Variants in HS3ST4 observed in about 807,000 individuals in gnomAD.
The protein encoded by HS3ST4 is heparan sulfate glucosamine 3-O-sulfotransferase 4.
In HS3ST4, 17 loss-of-function variants were observed where a neutral mutation model predicts 29.2. The ratio of observed to expected loss-of-function variants is 0.58; its 90% CI spans 0.40 to 0.87. HS3ST4 has a LOEUF of 0.87. HS3ST4 is among the 40% of genes least tolerant of loss of function. The pLI, the probability that HS3ST4 is intolerant of heterozygous loss-of-function variation, is 0.00. For missense variants in HS3ST4, 627 were observed against 634.5 expected (o/e 0.99, Z 0.13); for synonymous variants, 314 against 285.7 (o/e 1.10, Z -1.00).
At chr16:26,115,256 TACATATATATAC>T (rs1237350148) in intron 1 of HS3ST4, among the ~76,000 whole-genome samples, 1 of 148,978 alleles carries the variant, frequency 6.7e-6, no homozygotes. Flanking sequence ...TATATATATA[TACATATATATAC>T]ACACACACAC....
intron 1 of HS3ST4, chr16:26,028,786 G>A (rs2141752067): frequency 6.6e-6 from 1 of 152,342 alleles, no homozygotes; most frequent in East Asian, 1.9e-4. Context: ...TCTGGGCGGA[G>A]CCTAGCTACT....
intron 1 of HS3ST4, among the ~76,000 whole-genome samples, chr16:25,784,252 A>G (rs1351367581): frequency 6.6e-6 from 1 of 152,166 alleles, no homozygotes; most frequent in Non-Finnish European, 1.5e-5. Context: ...AGACACAACA[A>G]TATTCAAATT....
chr16:25,903,273 C>CGTGTGTGT (rs71385584), intron 1 of HS3ST4, among the ~76,000 whole-genome samples: 32 of 58,414 alleles, frequency 5.5e-4, no homozygotes, highest in South Asian at 3.4e-3. Context: ...GAAGAATATA[C>CGTGTGTGT]GTGTGTGTGT....
chr16:26,133,318 G>A (rs1425755186), intron 1 of HS3ST4, among the ~76,000 whole-genome samples: 3 of 152,020 alleles, frequency 2.0e-5, no homozygotes, highest in Non-Finnish European at 2.9e-5. Context: ...TATTTTCTTT[G>A]ATGAAACATT....
At chr16:25,857,625 A>G (rs1967586676) in intron 1 of HS3ST4, among the ~76,000 whole-genome samples, 2 of 152,130 alleles carry the variant, frequency 1.3e-5, no homozygotes, top group African/African-American at 2.4e-5. Context: ...TTTTAGTTTT[A>G]GGGCTTTCTA....
chr16:25,853,758 A>G (rs1045274627), intron 1 of HS3ST4, among the ~76,000 whole-genome samples: 5 of 152,104 alleles, frequency 3.3e-5, no homozygotes, highest in Admixed American at 2.6e-4. Flanking sequence ...TGCTGCAGGA[A>G]TTGGTTTGCT....
chr16:25,818,757 G>A (rs1208604304), intron 1 of HS3ST4, among the ~76,000 whole-genome samples: 1 of 152,054 alleles, frequency 6.6e-6, no homozygotes, highest in Non-Finnish European at 1.5e-5. Flanking sequence ...CACTATAAAA[G>A]CTCTTAACCT....
chr16:26,077,252 T>G (rs999855014), intron 1 of HS3ST4, among the ~76,000 whole-genome samples: 2 of 152,194 alleles, frequency 1.3e-5, no homozygotes, highest in Non-Finnish European at 2.9e-5. Flanking sequence ...GAGACAGGCA[T>G]AAAACCATTC....
At chr16:25,763,629 A>G (rs533066618) in intron 1 of HS3ST4, among the ~76,000 whole-genome samples, 2 of 152,290 alleles carry the variant, frequency 1.3e-5, no homozygotes, top group East Asian at 1.9e-4. Context: ...GGGGAGAGAC[A>G]TGGAATATTG....
chr16:25,983,076 A>G (rs571232784), intron 1 of HS3ST4, among the ~76,000 whole-genome samples: 1 of 152,304 alleles, frequency 6.6e-6, no homozygotes, highest in South Asian at 2.1e-4. Flanking sequence ...AAATAAGTAA[A>G]TATTTACTGT....
intron 1 of HS3ST4, among the ~76,000 whole-genome samples, chr16:26,089,168 T>C (rs1178313931): frequency 6.6e-6 from 1 of 152,222 alleles, no homozygotes; most frequent in Non-Finnish European, 1.5e-5. Flanking sequence ...CCTAGAAGAC[T>C]TGTTGCCAGA....
chr16:25,803,246 G>T (rs1966957555), intron 1 of HS3ST4, among the ~76,000 whole-genome samples: 1 of 151,992 alleles, frequency 6.6e-6, no homozygotes, highest in Non-Finnish European at 1.5e-5. Flanking sequence ...CTCAATATTT[G>T]TATGGTATTA....
chr16:25,845,432 C>T (rs1057509589), intron 1 of HS3ST4, among the ~76,000 whole-genome samples: 3 of 152,018 alleles, frequency 2.0e-5, no homozygotes, highest in Admixed American at 2.0e-4. Context: ...TCGCTTGAAC[C>T]TGGGAGGTGG....
chr16:25,736,684 T>A (rs543873542), intron 1 of HS3ST4, among the ~76,000 whole-genome samples: 1 of 152,300 alleles, frequency 6.6e-6, no homozygotes, highest in African/African-American at 2.4e-5. Flanking sequence ...TTCCAAAGAT[T>A]TCCTATTCAA....
At chr16:25,953,520 T>G (rs1262321377) in intron 1 of HS3ST4, among the ~76,000 whole-genome samples, 1 of 152,180 alleles carries the variant, frequency 6.6e-6, no homozygotes, top group Non-Finnish European at 1.5e-5. Flanking sequence ...AAAGGTATCC[T>G]GGGAAACTCC....
chr16:25,701,442 C>T (rs1247196290), intron 1 of HS3ST4, among the ~76,000 whole-genome samples: 1 of 152,064 alleles, frequency 6.6e-6, no homozygotes, highest in African/African-American at 2.4e-5. Flanking sequence ...CCCATTGCAA[C>T]CACATGAAAT....
chr16:25,843,923 G>A (rs1967439911), intron 1 of HS3ST4, among the ~76,000 whole-genome samples: 1 of 152,054 alleles, frequency 6.6e-6, no homozygotes, highest in Non-Finnish European at 1.5e-5. Context: ...CTCTCATGTT[G>A]CCCCAGTCTC....
chr16:25,740,980 T>TAGGCCC (rs1966647908), intron 1 of HS3ST4, among the ~76,000 whole-genome samples: 1 of 152,214 alleles, frequency 6.6e-6, no homozygotes, highest in African/African-American at 2.4e-5. Flanking sequence ...CATAGATTTT[T>TAGGCCC]AGTTTCTGTC....
intron 1 of HS3ST4, among the ~76,000 whole-genome samples, chr16:26,043,665 G>C (rs1044323859): frequency 1.3e-5 from 2 of 152,148 alleles, no homozygotes; most frequent in African/African-American, 4.8e-5. Flanking sequence ...TATTACCAGG[G>C]AGACTCTCTG....
Sources: allele counts gnomAD v4.1 joint callset (sites outside exome capture counted in the v4.1 genomes callset), GRCh38; gene constraint gnomAD v4.1.1; transcripts MANE v1.5; gene names NCBI Gene and HGNC (gene_info 2026-07-23, HGNC 2026-07-21).